Variants in CELF2 observed in about 807,000 individuals in gnomAD.
CELF2 encodes CUGBP Elav-like family member 2, also known as CUG triplet repeat RNA-binding protein 2.
A neutral mutation model predicts 62.6 loss-of-function variants in CELF2; 8 were observed. That is an observed-to-expected ratio of 0.13 (90% CI 0.07 to 0.23). CELF2 has a LOEUF of 0.23. Among genes scored for constraint, CELF2 ranks in the 10% least tolerant of loss-of-function variants. The pLI is 1.00. For missense variants in CELF2, 333 were observed against 671.0 expected (o/e 0.50, Z 5.56); for synonymous variants, 258 against 250.0 (o/e 1.03, Z -0.30).
the CELF2 span, among the ~76,000 whole-genome samples, chr10:10,574,874 T>C: frequency 0.012 from 943 of 77,486 alleles, 20 homozygotes; most frequent in African/African-American, 0.017. Context: ...CATGCCTGGT[T>C]TTTTTTTTTT....
At chr10:10,946,145 A>G (rs371262395) in intron 2 of CELF2, 12 of 152,774 alleles carry the variant, frequency 7.9e-5, no homozygotes, top group African/African-American at 2.9e-4. Context: ...AAATGATGCC[A>G]TCCTGGCTCT....
intron 1 of CELF2, among the ~76,000 whole-genome samples, chr10:10,839,616 C>T (rs2132471122): frequency 6.6e-6 from 1 of 152,268 alleles, no homozygotes; most frequent in East Asian, 1.9e-4. Flanking sequence ...AATATTTTTT[C>T]CTTCATAGCC....
chr10:11,001,662 T>C (rs2054527569), upstream of CELF2, among the ~76,000 whole-genome samples: 1 of 152,226 alleles, frequency 6.6e-6, no homozygotes, highest in African/African-American at 2.4e-5. Context: ...CTAGTTTTTT[T>C]CTTCATCAAG....
upstream of CELF2, among the ~76,000 whole-genome samples, chr10:10,797,447 A>G (rs770705286): frequency 5.3e-5 from 8 of 152,042 alleles, no homozygotes; most frequent in Non-Finnish European, 1.2e-4. Context: ...GTGTCTGGGC[A>G]TAATAATAAT....
chr10:10,991,450 C>T (rs894124931), intron 2 of CELF2, among the ~76,000 whole-genome samples: 2 of 152,108 alleles, frequency 1.3e-5, no homozygotes, highest in African/African-American at 4.8e-5. Context: ...CCTCTGGTAA[C>T]CAGGCTAAGA....
At chr10:10,778,695 T>G in the CELF2 span, among the ~76,000 whole-genome samples, 3 of 152,162 alleles carry the variant, frequency 2.0e-5, no homozygotes, top group African/African-American at 7.2e-5. Context: ...TAATAATGAT[T>G]GATAAATATA....
rs1337405572 is a variant in CELF2, at chr10:11,300,967, T to TA, written c.976+12423dup. ...TGTTAATGTTGTTTTGTTGCAGCTT[T>TA]AAAAAAAAGTATTTTGCTATCCAGG... On this transcript the variant is annotated intron_variant, in intron 9 of 12. Coordinates refer to ENST00000633077, the MANE Select transcript of CELF2 (RefSeq NM_001326342.2). This position sits in a 1 kb window ranked among gnomAD's most constrained non-coding sequence, Gnocchi z 5.5. Among the ~76,000 whole-genome samples, 4 of 152,006 alleles carry TA rather than the reference T, an allele frequency of 2.6e-5. No individual in the cohort carries two copies. The highest frequency in any genetic ancestry group is 5.9e-5 in the Non-Finnish European group (4 of 67,990).
the CELF2 span, among the ~76,000 whole-genome samples, chr10:10,651,586 G>A: frequency 4.1e-4 from 56 of 137,664 alleles, no homozygotes; most frequent in South Asian, 0.011. Context: ...CAGCCTAACT[G>A]GGAGGCACCC....
At chr10:11,301,476 G>A (rs1415898412) in intron 9 of CELF2, among the ~76,000 whole-genome samples, 1 of 35,480 alleles carries the variant, frequency 2.8e-5, no homozygotes, top group East Asian at 8.7e-4. Flanking sequence ...CACCCCCCTC[G>A]CTTCCCCCCC....
chr10:11,088,252 A>G (rs2047346223), intron 1 of CELF2, among the ~76,000 whole-genome samples: 1 of 152,238 alleles, frequency 6.6e-6, no homozygotes, highest in Non-Finnish European at 1.5e-5. Context: ...GGGAAAAGAC[A>G]TGAGAGGCAG....
rs562982838 is a variant in CELF2, at chr10:11,243,577, C to T, written c.355-5576C>T. On this transcript the variant is annotated intron_variant, in intron 3 of 12. Coordinates refer to ENST00000633077, the MANE Select transcript of CELF2 (RefSeq NM_001326342.2). The surrounding 1 kb of genome is among the most constrained non-coding windows in gnomAD (Gnocchi z 4.1). ...CGTGAGAGGACCAGAGATCTCCTGT[C>T]GTCTTCCAGGCTTGCTGCAAGTGCA... is the stretch of plus-strand genomic sequence containing the variant. Among the ~76,000 whole-genome samples the T allele has an allele frequency of 4.6e-5, 7 of 152,328 alleles. No homozygotes were observed. In the South Asian group the frequency reaches 8.3e-4, roughly 18 times the overall value.
At chr10:11,248,094 C>T (rs566516634) in intron 3 of CELF2, among the ~76,000 whole-genome samples, 29 of 152,274 alleles carry the variant, frequency 1.9e-4, no homozygotes, top group Non-Finnish European at 3.1e-4. Flanking sequence ...TGAAAGGTGC[C>T]GAGAGAATGG....
At chr10:11,272,514 ACT>A (rs1235127390) in intron 7 of CELF2, among the ~76,000 whole-genome samples, 2 of 151,890 alleles carry the variant, frequency 1.3e-5, no homozygotes, top group African/African-American at 4.8e-5. Context: ...ACACGTGTCC[ACT>A]CTGTCTTCTA....
At chr10:11,070,632 G>GAGGGGTATAAAGTGAGAAC (rs2069631311) in intron 1 of CELF2, among the ~76,000 whole-genome samples, 1 of 152,102 alleles carries the variant, frequency 6.6e-6, no homozygotes, top group African/African-American at 2.4e-5. Context: ...CATCTGGGGG[G>GAGGGGTATAAAGTGAGAAC]AGGGGTATAA....
intron 1 of CELF2, among the ~76,000 whole-genome samples, chr10:11,085,855 G>A (rs989424610): frequency 1.3e-5 from 2 of 151,906 alleles, no homozygotes; most frequent in Non-Finnish European, 2.9e-5. Context: ...GAAATACATC[G>A]AGGATAGCAC....
chr10:10,573,410 G>A, the CELF2 span, among the ~76,000 whole-genome samples: 1 of 152,106 alleles, frequency 6.6e-6, no homozygotes, highest in South Asian at 2.1e-4. Flanking sequence ...ATTTCATCAT[G>A]AAATCTTTGC....
chr10:11,032,941 G>A (rs1251905048), intron 1 of CELF2, among the ~76,000 whole-genome samples: 1 of 152,196 alleles, frequency 6.6e-6, no homozygotes, highest in Non-Finnish European at 1.5e-5. Context: ...TCAAATGTAT[G>A]TTGGGTTTTG....
At chr10:11,262,442 G>A (rs1028159338) in intron 5 of CELF2, among the ~76,000 whole-genome samples, 3 of 152,156 alleles carry the variant, frequency 2.0e-5, no homozygotes, top group Non-Finnish European at 4.4e-5. Flanking sequence ...TGCCCACACA[G>A]TACCTAAACA....
chr10:10,968,965 T>A lies in CELF2; in HGVS notation c.89+48966T>A, dbSNP rs532939406. 5.3e-5 allele frequency among the ~76,000 whole-genome samples: 8 copies of A among 152,324 alleles called. No individual in the cohort carries two copies. The South Asian group carries it at 1.7e-3, about 32-fold the overall frequency. On this transcript the variant is annotated intron_variant, in intron 2 of 13. Coordinates refer to the CELF2 transcript ENST00000636488. ...TCTTGTTCAAAATGAAAATGCACTA[T>A]CTAGTTCTAATAATGTGCAAATGGG...
Sources: gnomAD v4.1 joint callset for allele counts (sites outside exome capture counted in the v4.1 genomes callset) on GRCh38, gnomAD v4.1.1 for gene constraint, Gnocchi (gnomAD v3.1) non-coding constraint, MANE v1.5 for transcripts, NCBI Gene and HGNC (gene_info 2026-07-23, HGNC 2026-07-21) for gene names.